Variants in TENM4 observed in about 807,000 individuals in gnomAD.
TENM4 encodes teneurin-4.
In TENM4, 82 loss-of-function variants were observed where a neutral mutation model predicts 243.3. The ratio of observed to expected loss-of-function variants is 0.34; its 90% CI spans 0.28 to 0.40. The LOEUF is 0.40. Ranked by LOEUF, TENM4 falls within the 10% of genes least tolerant of loss-of-function variation. TENM4 has a pLI of 1.00. For missense variants in TENM4, 3,138 were observed against 3,673.3 expected (o/e 0.85, Z 3.77); for synonymous variants, 1,412 against 1,456.3 (o/e 0.97, Z 0.69).
chr11:78,973,554 C>T (rs931473957), intron 6 of TENM4, among the ~76,000 whole-genome samples: 1 of 152,038 alleles, frequency 6.6e-6, no homozygotes, highest in African/African-American at 2.4e-5. Context: ...GTAAGTACTG[C>T]TTTTTTTCCC....
Position 79,127,497 on chromosome 11 carries a change from G to T in TENM4, c.-66+21213C>A, listed in dbSNP as rs868154840. ...TCCTGGTACCTGGTATGCAGCCATT[G>T]ACTTGGCAAATACTTTTTTTTCCAT... On this transcript the variant is annotated intron_variant, in intron 4 of 33. Transcript: ENST00000278550. Among the ~76,000 whole-genome samples, 32 of 103,156 alleles carry T rather than the reference G, an allele frequency of 3.1e-4. 1 individual carries two copies. Among genetic ancestry groups the T allele is most frequent in the Middle Eastern group, 4.5e-3 (1 of 222 alleles). The allele number at this position is 103,156 out of a possible 152,430, so 67.7% of individuals were successfully genotyped here.
chr11:79,164,694 T>C (rs1004680158), intron 3 of TENM4, among the ~76,000 whole-genome samples: 4 of 151,030 alleles, frequency 2.6e-5, no homozygotes, highest in African/African-American at 9.7e-5. Flanking sequence ...GGGAGGTATT[T>C]GAATCATGGG....
intron 4 of TENM4, among the ~76,000 whole-genome samples, chr11:79,071,573 T>C (rs1489119714): frequency 6.6e-6 from 1 of 152,186 alleles, no homozygotes; most frequent in Non-Finnish European, 1.5e-5. Flanking sequence ...TCCATTATTA[T>C]TATTTAATTT....
At chr11:78,751,912 T>G (rs1856199041) in intron 19 of TENM4, among the ~76,000 whole-genome samples, 1 of 152,192 alleles carries the variant, frequency 6.6e-6, no homozygotes, top group Admixed American at 6.5e-5. Flanking sequence ...GTGGACACCC[T>G]TCACTGTATT....
chr11:79,293,692 G>T (rs1323323803), intron 2 of TENM4, among the ~76,000 whole-genome samples: 1 of 152,122 alleles, frequency 6.6e-6, no homozygotes, highest in African/African-American at 2.4e-5. Flanking sequence ...CACCCCTAGA[G>T]AGTCTGTCTG....
chr11:79,262,470 T>G (rs1855815095), intron 2 of TENM4, among the ~76,000 whole-genome samples: 1 of 152,216 alleles, frequency 6.6e-6, no homozygotes, highest in African/African-American at 2.4e-5. Context: ...ACTAAATTAC[T>G]ACTAGCCCTT....
At chr11:79,034,900 T>C (rs1859337133) in intron 6 of TENM4, among the ~76,000 whole-genome samples, 1 of 152,174 alleles carries the variant, frequency 6.6e-6, no homozygotes, top group South Asian at 2.1e-4. Context: ...TGCTCAAAAC[T>C]GGCTTTCACA....
At chr11:79,148,414 A>G (rs1273792795) in intron 4 of TENM4, among the ~76,000 whole-genome samples, 1 of 152,112 alleles carries the variant, frequency 6.6e-6, no homozygotes, top group African/African-American at 2.4e-5. Flanking sequence ...CCAGGGATCT[A>G]TAGAGATGCT....
intron 6 of TENM4, among the ~76,000 whole-genome samples, chr11:79,035,221 G>C (rs1219929500): frequency 6.6e-6 from 1 of 152,186 alleles, no homozygotes; most frequent in African/African-American, 2.4e-5. Context: ...CTGCTGCTCG[G>C]CTGTGCAATG....
intron 1 of TENM4, among the ~76,000 whole-genome samples, chr11:79,397,602 C>A (rs1439710307): frequency 6.6e-6 from 1 of 152,168 alleles, no homozygotes; most frequent in Non-Finnish European, 1.5e-5. Flanking sequence ...AAGGATACCC[C>A]AGCAACCAGA....
At chr11:78,784,761 G>A (rs1856900526) in intron 16 of TENM4, among the ~76,000 whole-genome samples, 1 of 152,216 alleles carries the variant, frequency 6.6e-6, no homozygotes, top group Admixed American at 6.5e-5. Flanking sequence ...GGAGGTAGAA[G>A]TGGATGGTTT....
intron 1 of TENM4, among the ~76,000 whole-genome samples, chr11:79,381,841 G>C (rs557262): frequency 0.42 from 63,137 of 151,578 alleles, 13,166 homozygotes; most frequent in Non-Finnish European, 0.45. Context: ...GTGAGTAAGT[G>C]GCAGAGGCAG....
At chr11:78,853,977 C>G (rs985790671) in intron 12 of TENM4, 127 bp downstream of exon 12, 2 of 917,952 alleles carry the variant, frequency 2.2e-6, no homozygotes, top group Admixed American at 2.9e-5. Context: ...AGGAGGGTCT[C>G]GTGCCAAGCT....
chr11:78,699,644 A>C (rs1310884699), intron 28 of TENM4, among the ~76,000 whole-genome samples: 1 of 152,244 alleles, frequency 6.6e-6, no homozygotes, highest in Non-Finnish European at 1.5e-5. Context: ...GCCATTTTAT[A>C]AAAAAGCAAT....
intron 6 of TENM4, among the ~76,000 whole-genome samples, chr11:79,048,947 T>A (rs2136929440): frequency 6.6e-6 from 1 of 152,278 alleles, no homozygotes; most frequent in African/African-American, 2.4e-5. Context: ...CATCATTTTA[T>A]CCAGTTGCTC....
intron 1 of TENM4, among the ~76,000 whole-genome samples, chr11:79,311,399 T>A (rs1856719257): frequency 6.6e-6 from 1 of 152,200 alleles, no homozygotes; most frequent in Non-Finnish European, 1.5e-5. Flanking sequence ...TGGTTCCCTA[T>A]GGCACTCACC....
intron 6 of TENM4, 32 bp downstream of exon 6, chr11:79,064,706 G>C (rs1264740211): frequency 2.6e-6 from 4 of 1,550,226 alleles, no homozygotes; most frequent in Non-Finnish European, 3.5e-6. Context: ...CCACCACCCA[G>C]GCACCCGGCA....
At chr11:79,208,370 A>G (rs1229743925) in intron 3 of TENM4, among the ~76,000 whole-genome samples, 1 of 152,214 alleles carries the variant, frequency 6.6e-6, no homozygotes, top group East Asian at 1.9e-4. Flanking sequence ...AGAATTATTC[A>G]TCTTGAAAGT....
At chr11:78,826,809 A>G (rs1857862493) in intron 12 of TENM4, among the ~76,000 whole-genome samples, 1 of 152,190 alleles carries the variant, frequency 6.6e-6, no homozygotes, top group Non-Finnish European at 1.5e-5. Flanking sequence ...AACTTGTTAA[A>G]TACAAAAAAA....
Sources: allele counts gnomAD v4.1 joint callset (sites outside exome capture counted in the v4.1 genomes callset), GRCh38; gene constraint gnomAD v4.1.1; transcripts MANE v1.5; gene names NCBI Gene and HGNC (gene_info 2026-07-23, HGNC 2026-07-21).